Variants in NDUFAF2 observed in about 807,000 individuals in gnomAD.
NDUFAF2 encodes the protein NADH:ubiquinone oxidoreductase complex assembly factor 2, also known as NADH dehydrogenase [ubiquinone] 1 alpha subcomplex assembly factor 2.
Under a neutral mutation model 22.8 loss-of-function variants are expected in NDUFAF2, and 13 were observed. That is an observed-to-expected ratio of 0.57 (90% CI 0.37 to 0.91). The LOEUF is 0.91. Among genes scored for constraint, NDUFAF2 ranks in the 40% least tolerant of loss-of-function variants. NDUFAF2 has a pLI of 0.01. For missense variants in NDUFAF2, 162 were observed against 195.2 expected (o/e 0.83, Z 1.01); for synonymous variants, 53 against 64.2 (o/e 0.83, Z 0.84).
chr5:61,074,280 C>T (rs763659870), intron 2 of NDUFAF2, among the ~76,000 whole-genome samples: 1 of 151,980 alleles, frequency 6.6e-6, no homozygotes, highest in African/African-American at 2.4e-5. Flanking sequence ...GGTGAAACCC[C>T]GTTTCTACTG....
intron 3 of NDUFAF2, among the ~76,000 whole-genome samples, chr5:61,130,971 A>T (rs891197456): frequency 1.3e-5 from 2 of 152,186 alleles, no homozygotes; most frequent in African/African-American, 4.8e-5. Flanking sequence ...AGAGAGTAGC[A>T]TGACACTAAA....
In NDUFAF2 at chr5:61,037,790, A is replaced by G. The variant is rs528746828; in HGVS notation, c.128-35335A>G. Among the ~76,000 whole-genome samples, 4 of 152,182 alleles carry G rather than the reference A, an allele frequency of 2.6e-5. No homozygotes were observed. In the East Asian group the frequency reaches 7.7e-4, roughly 29 times the overall value. ...TGGAAATGGTTCTATAAATAATGGGAAGCCTTTGAATAGTTCTGAAGGATT... is the reference window on the plus strand; with the variant it reads ...TGGAAATGGTTCTATAAATAATGGGGAGCCTTTGAATAGTTCTGAAGGATT... On this transcript the variant is annotated intron_variant, in intron 1 of 3. Transcript: ENST00000296597.
At chr5:61,106,090 A>G (rs1288649930) in intron 3 of NDUFAF2, among the ~76,000 whole-genome samples, 3 of 151,530 alleles carry the variant, frequency 2.0e-5, no homozygotes, top group Non-Finnish European at 2.9e-5. Flanking sequence ...ATAAATATAG[A>G]AGAAATAACA....
intron 3 of NDUFAF2, among the ~76,000 whole-genome samples, chr5:61,136,207 G>A (rs1029905533): frequency 1.3e-5 from 2 of 151,308 alleles, no homozygotes; most frequent in Admixed American, 6.6e-5. Context: ...AGGGCTTTGA[G>A]TTTTTCTAAT....
At chr5:61,137,291 T>C (rs1291540578) in intron 3 of NDUFAF2, among the ~76,000 whole-genome samples, 2 of 152,230 alleles carry the variant, frequency 1.3e-5, no homozygotes, top group Admixed American at 1.3e-4. Flanking sequence ...GAGTCATTTA[T>C]TCATTCAACA....
intron 3 of NDUFAF2, among the ~76,000 whole-genome samples, chr5:61,104,976 G>A (rs1052397646): frequency 2.6e-5 from 4 of 152,050 alleles, no homozygotes; most frequent in African/African-American, 9.7e-5. Flanking sequence ...CTTACGAATT[G>A]TAATAGAAAA....
At chr5:61,110,482 T>C (rs964569599) in intron 3 of NDUFAF2, among the ~76,000 whole-genome samples, 1 of 152,100 alleles carries the variant, frequency 6.6e-6, no homozygotes, top group Non-Finnish European at 1.5e-5. Context: ...TGGGAGACTT[T>C]ATTATGGTTT....
intron 1 of NDUFAF2, among the ~76,000 whole-genome samples, chr5:60,999,572 G>C (rs1751270683): frequency 6.6e-6 from 1 of 152,068 alleles, no homozygotes; most frequent in Admixed American, 6.6e-5. Flanking sequence ...GAAGAAAACA[G>C]TGTGGCTGCT....
intron 3 of NDUFAF2, chr5:61,146,079 G>A (rs903205103): frequency 2.6e-5 from 4 of 152,284 alleles, no homozygotes; most frequent in African/African-American, 9.6e-5. Context: ...GAATAAGGAG[G>A]TAATAAGGCA....
At chr5:61,074,716 C>T (rs185851137) in intron 2 of NDUFAF2, among the ~76,000 whole-genome samples, 7 of 152,204 alleles carry the variant, frequency 4.6e-5, no homozygotes, top group African/African-American at 9.6e-5. Flanking sequence ...GCTGAGATTG[C>T]GCCATTGCAC....
At chr5:61,139,200 G>A (rs1027262266) in intron 3 of NDUFAF2, among the ~76,000 whole-genome samples, 1 of 152,200 alleles carries the variant, frequency 6.6e-6, no homozygotes, top group African/African-American at 2.4e-5. Context: ...TTAGCCTGCA[G>A]TTGGGCAAAA....
At chr5:61,006,735 G>A (rs1305185113) in intron 1 of NDUFAF2, among the ~76,000 whole-genome samples, 1 of 151,938 alleles carries the variant, frequency 6.6e-6, no homozygotes, top group Non-Finnish European at 1.5e-5. Context: ...TTAAAACATA[G>A]CGTATTGTTA....
intron 3 of NDUFAF2, among the ~76,000 whole-genome samples, chr5:61,102,781 C>G (rs1034266383): frequency 2.0e-5 from 3 of 151,648 alleles, no homozygotes; most frequent in African/African-American, 7.2e-5. Context: ...AAGAACACCT[C>G]AACTCAGTGT....
chr5:61,080,529 T>G (rs1195814688), intron 2 of NDUFAF2, among the ~76,000 whole-genome samples: 1 of 152,238 alleles, frequency 6.6e-6, no homozygotes, highest in African/African-American at 2.4e-5. Context: ...GTTGTCAGTT[T>G]CATTACATTT....
chr5:61,020,993 C>CTT (rs35877702), intron 1 of NDUFAF2, among the ~76,000 whole-genome samples: 32 of 116,616 alleles, frequency 2.7e-4, no homozygotes, highest in African/African-American at 9.1e-4. Flanking sequence ...TGCGTCCAGC[C>CTT]TTTTTTTTTT....
intron 1 of NDUFAF2, among the ~76,000 whole-genome samples, chr5:61,002,012 G>A (rs79656172): frequency 0.015 from 2,236 of 152,232 alleles, 59 homozygotes; most frequent in African/African-American, 0.051. Context: ...TGGCAGTGTA[G>A]GGTGGTGCAA....
intron 3 of NDUFAF2, among the ~76,000 whole-genome samples, chr5:61,144,950 A>G (rs1362282112): frequency 1.3e-5 from 2 of 152,180 alleles, no homozygotes; most frequent in Non-Finnish European, 2.9e-5. Context: ...ATTAAAGCTG[A>G]ATTCCTTGCC....
At chr5:61,033,561 T>G (rs1751755059) in intron 1 of NDUFAF2, among the ~76,000 whole-genome samples, 1 of 152,128 alleles carries the variant, frequency 6.6e-6, no homozygotes, top group South Asian at 2.1e-4. Context: ...TTAGTAAACC[T>G]AGAACTACTT....
At chr5:61,100,914 G>A (rs1321325448) in intron 3 of NDUFAF2, among the ~76,000 whole-genome samples, 1 of 151,994 alleles carries the variant, frequency 6.6e-6, no homozygotes, top group South Asian at 2.1e-4. Flanking sequence ...CTTACTGATG[G>A]TCGAGATTAG....
Sources: allele counts gnomAD v4.1 joint callset (sites outside exome capture counted in the v4.1 genomes callset), GRCh38; gene constraint gnomAD v4.1.1; transcripts MANE v1.5; gene names NCBI Gene and HGNC (gene_info 2026-07-23, HGNC 2026-07-21).